BPNT1: variants seen among roughly 807,000 people sequenced by gnomAD.
The protein encoded by BPNT1 is 3'(2'),5'-bisphosphate nucleotidase 1.
Under a neutral mutation model 36.9 loss-of-function variants are expected in BPNT1, and 28 were observed. That is an observed-to-expected ratio of 0.76 (90% confidence interval 0.56 to 1.04). BPNT1 has a LOEUF of 1.04. Among genes scored for constraint, BPNT1 ranks in the 50% least tolerant of loss-of-function variants. BPNT1 has a pLI of 0.00. For synonymous variants in BPNT1, 119 were observed against 130.9 expected, an observed-to-expected ratio of 0.91 and a Z score of 0.62; for missense variants, 313 against 372.9, an observed-to-expected ratio of 0.84 and a Z score of 1.32.
intron 2 of BPNT1, 64 bp from the exon 3 acceptor site, chr1:220,074,135 T>G: frequency 7.1e-7 from 1 of 1,400,030 alleles, no homozygotes; most frequent in Non-Finnish European, 1.0e-6. Context: ...TGATTCCTTG[T>G]GCATGAGTGC....
intron 4 of BPNT1, among the ~76,000 whole-genome samples, chr1:220,070,555 G>A (rs1003295093): frequency 1.3e-5 from 2 of 151,688 alleles, no homozygotes; most frequent in African/African-American, 2.4e-5. Context: ...CCGTGTTAGC[G>A]GATTCAGGCG....
At position 220,058,147 on chromosome 1, in the gene BPNT1, G is replaced by A; in HGVS notation, c.*697C>T. On this transcript the variant is annotated 3_prime_UTR_variant, in exon 9 of 9. Coordinates refer to ENST00000322067, the MANE Select transcript of BPNT1 (RefSeq NM_006085.6). Reference sequence around the variant, plus strand: ...GCCGAGATCACGCCACTACATTCTAGCCTAGGCTACAGAGCGAGACTCCGT... The same window carrying A: ...GCCGAGATCACGCCACTACATTCTAACCTAGGCTACAGAGCGAGACTCCGT... The A allele has an allele frequency of 3.1e-6, 3 of 979,024 alleles. No homozygotes were observed. Among genetic ancestry groups the A allele is most frequent in the South Asian group, 7.9e-5 (2 of 25,464 alleles). The allele number at this position is 979,024 out of a possible 1,614,324, so 60.6% of individuals were successfully genotyped here.
intron 6 of BPNT1, among the ~76,000 whole-genome samples, chr1:220,064,707 G>A (rs557619939): frequency 1.1e-4 from 16 of 152,306 alleles, no homozygotes; most frequent in African/African-American, 3.1e-4. Flanking sequence ...AGGAGCCAAA[G>A]AACAAGCACT....
At position 220,062,797 on chromosome 1, in the gene BPNT1, T is replaced by C; in HGVS notation, c.632A>G (p.Asn211Ser). The C allele has an allele frequency of 6.2e-7, 1 of 1,614,122 alleles. No homozygotes were observed. The highest frequency in any genetic ancestry group is 1.1e-5 in the South Asian group (1 of 91,080). Residue 211 changes from asparagine (N) to serine (S), a missense_variant, in exon 7 of 9, where the codon AAC becomes AGC. Physicochemically the swap from Asn to Ser is conservative, Grantham distance 46. Coordinates refer to ENST00000322067, the MANE Select transcript of BPNT1 (RefSeq NM_006085.6). ...KLVTDCVAAM[N>S]PDAVLRVGGA... ...TCCTACTCGCAGCACAGCATCGGGG[T>C]TCATAGCAGCAACACAGTCAGTAAC... is the stretch of plus-strand genomic sequence containing the variant.
chr1:220,065,155 TAAAGG>T (rs1370805817), intron 6 of BPNT1, among the ~76,000 whole-genome samples: 5 of 152,092 alleles, frequency 3.3e-5, no homozygotes, highest in Admixed American at 6.6e-5. Flanking sequence ...TGGAAAAAAA[TAAAGG>T]AAAGAAAACA....
intron 2 of BPNT1, among the ~76,000 whole-genome samples, chr1:220,079,460 G>A (rs946040078): frequency 4.6e-5 from 7 of 151,900 alleles, no homozygotes; most frequent in African/African-American, 1.5e-4. Context: ...CACCATGTTG[G>A]CCAGGCTGGT....
chr1:220,058,565 C>T lies in BPNT1; in HGVS notation c.*279G>A. ...TTTTTTTCTGAGACAGGGCTTAACT[C>T]CTGTCACTCAGGCTGGAGTGCAGTG... On this transcript the variant is annotated 3_prime_UTR_variant, in exon 9 of 9. Coordinates refer to ENST00000322067, the MANE Select transcript of BPNT1 (RefSeq NM_006085.6). The T allele has an allele frequency of 1.1e-6, 1 of 931,162 alleles. No homozygotes were observed. Among genetic ancestry groups the T allele is most frequent in the Non-Finnish European group, 1.3e-6 (1 of 764,164 alleles). 57.7% of individuals were successfully genotyped at this position (931,162 alleles called of 1,614,324 possible).
At chr1:220,072,736 T>C in intron 4 of BPNT1, 114 bp downstream of exon 4, 1 of 754,190 alleles carries the variant, frequency 1.3e-6, no homozygotes, top group Non-Finnish European at 2.2e-6. Flanking sequence ...ATCAAGTTTC[T>C]GGTTGCCCCT....
At chr1:220,075,514 C>A (rs1664466752) in intron 2 of BPNT1, among the ~76,000 whole-genome samples, 1 of 152,186 alleles carries the variant, frequency 6.6e-6, no homozygotes, top group South Asian at 2.1e-4. Context: ...GCCTAGCACA[C>A]AGTAGGTGCT....
At chr1:220,065,996 G>T in intron 6 of BPNT1, 3 of 1,101,638 alleles carry the variant, frequency 2.7e-6, no homozygotes, top group South Asian at 3.3e-5. Context: ...GATGTACAAT[G>T]ACCACCTGGG....
At chr1:220,088,805 A>G (rs1256791041) in intron 1 of BPNT1, among the ~76,000 whole-genome samples, 16 of 138,976 alleles carry the variant, frequency 1.2e-4, no homozygotes, top group Non-Finnish European at 9.8e-5. Context: ...AAAAAAAAAA[A>G]GAAAGAAAGA....
rs966666589 is a variant in BPNT1, at chr1:220,078,339, TTAA to T, written c.120+1385_120+1387del. ...AATATATATAACATATAATATATAA[TTAA>T]TAATAATTTATAATAACAAATATAA... is the stretch of plus-strand genomic sequence containing the variant. On this transcript the variant is annotated intron_variant, in intron 2 of 8. Transcript: ENST00000322067. Among the ~76,000 whole-genome samples the T allele has an allele frequency of 9.2e-4, 132 of 144,112 alleles. 1 individual carries two copies. Among genetic ancestry groups the T allele is most frequent in the Non-Finnish European group, 4.5e-4 (30 of 66,354 alleles). The allele number at this position is 144,112 out of a possible 152,430, so 94.5% of individuals were successfully genotyped here.
intron 6 of BPNT1, chr1:220,066,198 T>C: frequency 9.8e-7 from 1 of 1,017,052 alleles, no homozygotes; most frequent in Non-Finnish European, 1.4e-6. Flanking sequence ...AGATTTTTTC[T>C]TGATGAAAGG....
intron 6 of BPNT1, among the ~76,000 whole-genome samples, chr1:220,066,632 T>G (rs1663556137): frequency 6.6e-6 from 1 of 152,198 alleles, no homozygotes; most frequent in Admixed American, 6.5e-5. Flanking sequence ...TTTAATGCAA[T>G]TTAATGGTAA....
At position 220,080,935 on chromosome 1, in the gene BPNT1, C is replaced by T. The variant is rs541440119; in HGVS notation, c.-8-1081G>A. Among the ~76,000 whole-genome samples, 7 of 152,322 alleles carry T rather than the reference C, an allele frequency of 4.6e-5. 1 individual carries two copies. The East Asian group carries it at 1.2e-3, about 25-fold the overall frequency. On this transcript the variant is annotated intron_variant, in intron 1 of 8. Coordinates refer to ENST00000322067, the MANE Select transcript of BPNT1 (RefSeq NM_006085.6). The stretch of plus-strand genomic sequence containing the variant: ...AAGTCTCTAGCGCCAATGAAATAAA[C>T]GGAAAAAACAGCCTTTAGAATCAAG...
chr1:220,081,759 T>G (rs1336426485), intron 1 of BPNT1, among the ~76,000 whole-genome samples: 1 of 151,840 alleles, frequency 6.6e-6, no homozygotes, highest in Non-Finnish European at 1.5e-5. Flanking sequence ...TAAAGGCCAT[T>G]TCCTACCCCA....
intron 5 of BPNT1, 23 bp from the exon 6 acceptor site, chr1:220,067,416 A>T (rs773517122): frequency 2.3e-5 from 35 of 1,542,942 alleles, no homozygotes; most frequent in Admixed American, 3.5e-5. Context: ...AATAAATATC[A>T]GTTATATAAC....
chr1:220,069,520 T>C, intron 4 of BPNT1, 88 bp from the exon 5 acceptor site: 1 of 1,019,836 alleles, frequency 9.8e-7, no homozygotes, highest in Admixed American at 2.5e-5. Context: ...TTACTCTTTT[T>C]TTCCTGTTTG....
intron 2 of BPNT1, among the ~76,000 whole-genome samples, chr1:220,077,400 A>T (rs986623019): frequency 1.3e-5 from 2 of 151,178 alleles, no homozygotes; most frequent in Non-Finnish European, 2.9e-5. Context: ...TTTTTTTTTA[A>T]TATTATTTAT....
Sources: gnomAD v4.1 joint callset for allele counts (sites outside exome capture counted in the v4.1 genomes callset) on GRCh38, gnomAD v4.1.1 for gene constraint, MANE v1.5 for transcripts, NCBI Gene and HGNC (gene_info 2026-07-23, HGNC 2026-07-21) for gene names.